Variants in DYNC2H1 observed in about 807,000 individuals in gnomAD.
DYNC2H1 encodes the protein cytoplasmic dynein 2 heavy chain 1.
In DYNC2H1, 410 loss-of-function variants were observed where a neutral mutation model predicts 570.0. That is an observed-to-expected ratio of 0.72 (90% CI 0.66 to 0.78). The LOEUF is 0.78. Among genes scored for constraint, DYNC2H1 ranks in the 30% least tolerant of loss-of-function variants. The pLI is 0.00. For synonymous variants in DYNC2H1, 1,688 were observed against 1,677.6 expected, an observed-to-expected ratio of 1.01 and a Z score of -0.15; for missense variants, 4,865 against 5,046.4, an observed-to-expected ratio of 0.96 and a Z score of 1.09.
chr11:103,446,633 G>C lies in DYNC2H1; in HGVS notation c.12457-8553G>C, dbSNP rs1333862778. Among the ~76,000 whole-genome samples, 1 of 152,142 alleles carries C rather than the reference G, an allele frequency of 6.6e-6. No individual in the cohort carries two copies. Among genetic ancestry groups the C allele is most frequent in the Non-Finnish European group, 1.5e-5 (1 of 68,018 alleles). On this transcript the variant is annotated intron_variant, in intron 85 of 88. Transcript: ENST00000375735. The surrounding 1 kb of genome is among the most constrained non-coding windows in gnomAD (Gnocchi z 4.5). Reference sequence around the variant, plus strand: ...GAAGTAACACAGATGAATAGAGTGAGACTGACAGGGAGAAGAGCCAAAGGA... The same window carrying C: ...GAAGTAACACAGATGAATAGAGTGACACTGACAGGGAGAAGAGCCAAAGGA...
chr11:103,352,072 C>T (rs564867845), intron 82 of DYNC2H1, among the ~76,000 whole-genome samples: 1 of 151,880 alleles, frequency 6.6e-6, no homozygotes, highest in Non-Finnish European at 1.5e-5. Context: ...TTAGTATTTT[C>T]TGTATCTGTA....
chr11:103,273,840 T>A (rs1865802801), intron 70 of DYNC2H1, among the ~76,000 whole-genome samples: 1 of 152,158 alleles, frequency 6.6e-6, no homozygotes, highest in Non-Finnish European at 1.5e-5. Flanking sequence ...ATATGCTCAT[T>A]CTTAAGGTCA....
chr11:103,189,919 T>C lies in DYNC2H1; in HGVS notation c.7437+103T>C. ...TGTTGACACCCAGGCTTTACTTTCC[T>C]GTTTATTAGACTTTTCTAGTAGAGA... On this transcript the variant is annotated intron_variant, in intron 45 of 88. Transcript: ENST00000375735. The surrounding 1 kb of genome is among the most constrained non-coding windows in gnomAD (Gnocchi z 4.3). The C allele has an allele frequency of 1.6e-6, 2 of 1,238,662 alleles. No homozygotes were observed. Among genetic ancestry groups the C allele is most frequent in the Middle Eastern group, 2.3e-4 (1 of 4,354 alleles). The allele number at this position is 1,238,662 out of a possible 1,614,324, so 76.7% of individuals were successfully genotyped here.
chr11:103,360,892 G>A (rs961663634), intron 83 of DYNC2H1, among the ~76,000 whole-genome samples: 7 of 152,138 alleles, frequency 4.6e-5, no homozygotes, highest in Non-Finnish European at 8.8e-5. Flanking sequence ...ACCTATTTTG[G>A]CCTGGATAGT....
chr11:103,131,475 G>A (rs1472375666), intron 13 of DYNC2H1, among the ~76,000 whole-genome samples: 2 of 152,070 alleles, frequency 1.3e-5, no homozygotes, highest in Non-Finnish European at 2.9e-5. Context: ...TTTTTTAGTA[G>A]AGATGGGGTT....
intron 38 of DYNC2H1, among the ~76,000 whole-genome samples, chr11:103,178,739 T>C (rs992959327): frequency 2.6e-5 from 4 of 152,068 alleles, no homozygotes; most frequent in Non-Finnish European, 4.4e-5. Flanking sequence ...TACATTCTCA[T>C]AACATAGTAG....
chr11:103,214,305 C>T (rs1863281537), intron 54 of DYNC2H1, among the ~76,000 whole-genome samples: 2 of 151,978 alleles, frequency 1.3e-5, no homozygotes, highest in Admixed American at 1.3e-4. Flanking sequence ...TATTCAGGCT[C>T]TTTTGTGGTT....
chr11:103,431,880 G>T (rs512002), intron 84 of DYNC2H1, among the ~76,000 whole-genome samples: 84,395 of 151,974 alleles, frequency 0.56, 24,067 homozygotes, highest in East Asian at 0.71. Flanking sequence ...TGTTCAACTT[G>T]TGGTGGGGCA....
rs556022586 is a variant in DYNC2H1 at position 103,435,379 on chromosome 11, A to T, written c.12367-564A>T. The stretch of plus-strand genomic sequence containing the variant: ...ATAATGAACATGACCTTACAAGAAT[A>T]CTTGTGAAGAGTCTGCATTAATGGT... On this transcript the variant is annotated intron_variant, in intron 84 of 88. Coordinates refer to ENST00000375735, the MANE Select transcript of DYNC2H1 (RefSeq NM_001377.3). Among the ~76,000 whole-genome samples the T allele has an allele frequency of 3.3e-5, 5 of 152,178 alleles. 1 individual carries two copies. Among genetic ancestry groups the T allele is most frequent in the Non-Finnish European group, 7.4e-5 (5 of 68,016 alleles).
intron 30 of DYNC2H1, among the ~76,000 whole-genome samples, chr11:103,164,324 G>T (rs1861212910): frequency 6.6e-6 from 1 of 152,068 alleles, no homozygotes; most frequent in African/African-American, 2.4e-5. Flanking sequence ...TGAGCAGTCA[G>T]GTAAAAGTGT....
In DYNC2H1 at chr11:103,245,441, G is replaced by A. The variant is rs1864578551; in HGVS notation, c.10042+67G>A. Reference sequence around the variant, plus strand: ...TTTCCAAAGTAAGTAATTAAACCAGGTGCAAGCTTTCAAGAGTCCTCTTCC... The same window carrying A: ...TTTCCAAAGTAAGTAATTAAACCAGATGCAAGCTTTCAAGAGTCCTCTTCC... On this transcript the variant is annotated intron_variant, in intron 65 of 88. Transcript: ENST00000375735. This position sits in a 1 kb window ranked among gnomAD's most constrained non-coding sequence, Gnocchi z 4.5. The A allele has an allele frequency of 6.8e-7, 1 of 1,480,940 alleles. No individual in the cohort carries two copies. Among genetic ancestry groups the A allele is most frequent in the Admixed American group, 2.4e-5 (1 of 42,262 alleles). 91.7% of individuals were successfully genotyped at this position (1,480,940 alleles called of 1,614,324 possible).
chr11:103,270,726 T>C (rs181414912), intron 70 of DYNC2H1, among the ~76,000 whole-genome samples: 3 of 152,166 alleles, frequency 2.0e-5, no homozygotes, highest in East Asian at 1.9e-4. Context: ...AAAGGGACAA[T>C]TGATGACCCA....
chr11:103,346,156 G>T (rs1273896955), intron 82 of DYNC2H1, among the ~76,000 whole-genome samples: 1 of 152,056 alleles, frequency 6.6e-6, no homozygotes, highest in Non-Finnish European at 1.5e-5. Context: ...AATAATTTTA[G>T]CATAATTGCA....
chr11:103,372,859 G>T (rs1163694956), intron 83 of DYNC2H1, among the ~76,000 whole-genome samples: 1 of 152,148 alleles, frequency 6.6e-6, no homozygotes, highest in Non-Finnish European at 1.5e-5. Context: ...CAGCAGTGAA[G>T]TCATCAGGTC....
intron 75 of DYNC2H1, among the ~76,000 whole-genome samples, chr11:103,300,850 A>C (rs964612145): frequency 1.2e-4 from 18 of 151,892 alleles, no homozygotes; most frequent in African/African-American, 4.3e-4. Flanking sequence ...GCTTTTTTAG[A>C]CAGTTTTTGT....
intron 82 of DYNC2H1, among the ~76,000 whole-genome samples, chr11:103,331,272 A>G (rs554240941): frequency 6.6e-6 from 1 of 152,354 alleles, no homozygotes; most frequent in Admixed American, 6.5e-5. Context: ...CAACTGATAT[A>G]GGTGTTCTTA....
chr11:103,305,757 G>A lies in DYNC2H1; in HGVS notation c.11382+1037G>A, dbSNP rs372002308. Among the ~76,000 whole-genome samples the A allele has an allele frequency of 1.8e-4, 28 of 152,250 alleles. No homozygotes were observed. In the East Asian group the frequency reaches 4.1e-3, roughly 22 times the overall value. The stretch of plus-strand genomic sequence containing the variant: ...AGTAAGTTAATGAGTGAGTGAATGA[G>A]TTGATGGACCATGGTGATTCGTGAT... On this transcript the variant is annotated intron_variant, in intron 77 of 88. Transcript: ENST00000375735. This position sits in a 1 kb window ranked among gnomAD's most constrained non-coding sequence, Gnocchi z 4.3.
chr11:103,190,270 A>G (rs954687256), intron 45 of DYNC2H1, among the ~76,000 whole-genome samples: 2 of 152,210 alleles, frequency 1.3e-5, no homozygotes, highest in African/African-American at 4.8e-5. Context: ...GGCATTGAGG[A>G]TACACAAAAC....
At chr11:103,471,141 T>G (rs962409511) in intron 88 of DYNC2H1, among the ~76,000 whole-genome samples, 3 of 152,204 alleles carry the variant, frequency 2.0e-5, no homozygotes, top group Non-Finnish European at 2.9e-5. Context: ...CATTGTGGTT[T>G]TGATTTGCAT....
Sources: gnomAD v4.1 joint callset for allele counts (sites outside exome capture counted in the v4.1 genomes callset) on GRCh38, gnomAD v4.1.1 for gene constraint, Gnocchi (gnomAD v3.1) non-coding constraint, MANE v1.5 for transcripts, NCBI Gene and HGNC (gene_info 2026-07-23, HGNC 2026-07-21) for gene names.